The following ROCK1 variants were observed in gnomAD, a reference collection of about 807,000 sequenced individuals.
ROCK1 encodes rho-associated protein kinase 1.
In ROCK1, 36 loss-of-function variants were observed where a neutral mutation model predicts 196.8. That is an observed-to-expected ratio of 0.18 (90% confidence interval 0.14 to 0.24). The LOEUF is 0.24. ROCK1 is among the 10% of genes least tolerant of loss of function. The pLI is 1.00. For missense variants in ROCK1, 920 were observed against 1,562.0 expected (o/e 0.59, Z 6.93); for synonymous variants, 443 against 515.9 (o/e 0.86, Z 1.91).
intron 1 of ROCK1, among the ~76,000 whole-genome samples, chr18:21,090,358 G>A (rs1331847867): frequency 6.6e-6 from 1 of 152,148 alleles, no homozygotes; most frequent in Non-Finnish European, 1.5e-5. Context: ...AGCTACTCAG[G>A]AGGCTGAGGT....
chr18:21,109,638 G>A (rs1180555103), intron 1 of ROCK1, among the ~76,000 whole-genome samples: 1 of 152,064 alleles, frequency 6.6e-6, no homozygotes, highest in Non-Finnish European at 1.5e-5. Flanking sequence ...CTTATTTCCT[G>A]GTCAGGGATG....
Position 21,079,402 on chromosome 18 carries a change from C to T in ROCK1, c.94-8789G>A, listed in dbSNP as rs556884955. ...AACATAACATCCCTCCACGTGAGAT[C>T]AAACACCTGAGTTAAATTTCAGAAA... On this transcript the variant is annotated intron_variant, in intron 1 of 32. Coordinates refer to ENST00000399799, the MANE Select transcript of ROCK1 (RefSeq NM_005406.3). Among the ~76,000 whole-genome samples the T allele has an allele frequency of 2.8e-3, 424 of 152,310 alleles. 2 individuals are homozygous for T. Among genetic ancestry groups the T allele is most frequent in the Non-Finnish European group, 4.3e-3 (295 of 68,034 alleles).
chr18:21,002,647 CA>C (rs1258433061), intron 16 of ROCK1, among the ~76,000 whole-genome samples: 1 of 152,172 alleles, frequency 6.6e-6, no homozygotes, highest in Non-Finnish European at 1.5e-5. Flanking sequence ...ATCACCACTG[CA>C]AATTCCTAAA....
chr18:20,959,094 ATATATATAT>A (rs373779477), intron 29 of ROCK1, among the ~76,000 whole-genome samples: 16,326 of 44,914 alleles, frequency 0.36, 3,272 homozygotes, highest in Middle Eastern at 0.46. Context: ...ATTTTATATA[ATATATATAT>A]TATATATATA....
At chr18:21,051,596 G>A (rs959420151) in intron 2 of ROCK1, among the ~76,000 whole-genome samples, 3 of 152,194 alleles carry the variant, frequency 2.0e-5, no homozygotes, top group African/African-American at 2.4e-5. Context: ...CCCCAGGTAA[G>A]TTCAGGAGCT....
chr18:21,058,702 C>G (rs1371338332), intron 2 of ROCK1, among the ~76,000 whole-genome samples: 1 of 152,110 alleles, frequency 6.6e-6, no homozygotes, highest in Non-Finnish European at 1.5e-5. Flanking sequence ...ACCGCAGCCT[C>G]CCAAGTAGCC....
intron 26 of ROCK1, 114 bp downstream of exon 26, chr18:20,967,638 A>G: frequency 1.3e-6 from 1 of 797,292 alleles, no homozygotes; most frequent in East Asian, 2.7e-5. Context: ...CCAAACAGGC[A>G]GAACCCTTGA....
At chr18:21,039,416 C>G (rs2143498783) in intron 9 of ROCK1, 56 bp downstream of exon 9, 3 of 1,282,008 alleles carry the variant, frequency 2.3e-6, no homozygotes, top group Non-Finnish European at 2.2e-6. Flanking sequence ...TTTCAACAAA[C>G]TACCACAACT....
At chr18:21,078,896 G>A (rs534418671) in intron 1 of ROCK1, among the ~76,000 whole-genome samples, 1 of 152,114 alleles carries the variant, frequency 6.6e-6, no homozygotes, top group Non-Finnish European at 1.5e-5. Flanking sequence ...GGTGCTATCT[G>A]GTTCTACTGC....
intron 2 of ROCK1, 96 bp downstream of exon 2, chr18:21,070,435 CA>C (rs1046711150): frequency 2.2e-5 from 14 of 641,956 alleles, no homozygotes; most frequent in Non-Finnish European, 3.6e-5. Flanking sequence ...ATGAAATCAC[CA>C]AAAAGTAAAT....
At chr18:21,045,032 T>G (rs2036143506) in intron 5 of ROCK1, 7 of 224,166 alleles carry the variant, frequency 3.1e-5, no homozygotes, top group South Asian at 3.1e-4. Flanking sequence ...GTGTTTTTTT[T>G]TTTTTTTTTT....
chr18:21,023,926 A>G (rs2035935767), intron 10 of ROCK1, among the ~76,000 whole-genome samples: 1 of 152,220 alleles, frequency 6.6e-6, no homozygotes, highest in African/African-American at 2.4e-5. Flanking sequence ...TTCCTGCAGC[A>G]AAACATAAGA....
At chr18:21,013,085 C>CGTTA (rs1419065746) in intron 13 of ROCK1, among the ~76,000 whole-genome samples, 1 of 152,194 alleles carries the variant, frequency 6.6e-6, no homozygotes, top group Non-Finnish European at 1.5e-5. Context: ...ATAACTCTAA[C>CGTTA]ATCTGTGTCA....
At chr18:20,987,591 A>G (rs1404285124) in intron 18 of ROCK1, among the ~76,000 whole-genome samples, 1 of 152,200 alleles carries the variant, frequency 6.6e-6, no homozygotes, top group Non-Finnish European at 1.5e-5. Flanking sequence ...TACCTCTTTT[A>G]ATTATTACTG....
In ROCK1 at chr18:20,954,809, T is replaced by G. The variant is rs2035226115; in HGVS notation, c.3827A>C (p.Lys1276Thr). 1 of 1,611,666 alleles carries G rather than the reference T, an allele frequency of 6.2e-7. No homozygotes were observed. Among genetic ancestry groups the G allele is most frequent in the Admixed American group, 1.7e-5 (1 of 59,546 alleles). ...VKCHRDHLDK[K>T]EDLICPCKVS... ...TTTACATGGACAAATTAAGTCCTCT[T>G]TCTTATCTAAGTGATCTCTGTGGCA... Residue 1276 changes from lysine to threonine, a missense_variant, in exon 31 of 33, where the codon AAA becomes ACA. Around this residue, in one of 6 missense-constraint regions of ROCK1, gnomAD observed 49 missense variants for 180.4 expected, o/e 0.27. Coordinates refer to ENST00000399799, the MANE Select transcript of ROCK1 (RefSeq NM_005406.3).
intron 9 of ROCK1, among the ~76,000 whole-genome samples, 168 bp from the exon 10 acceptor site, chr18:21,029,103 A>G (rs1380585861): frequency 6.6e-6 from 1 of 152,184 alleles, no homozygotes; most frequent in African/African-American, 2.4e-5. Flanking sequence ...CTAAAAATCA[A>G]CTGATAATTG....
At chr18:20,987,931 A>G (rs2035590959) in intron 18 of ROCK1, among the ~76,000 whole-genome samples, 2 of 152,170 alleles carry the variant, frequency 1.3e-5, no homozygotes, top group African/African-American at 4.8e-5. Flanking sequence ...CCTGAGCTCC[A>G]GACTTAGATA....
intron 32 of ROCK1, among the ~76,000 whole-genome samples, chr18:20,952,169 G>A (rs2035194914): frequency 6.6e-6 from 1 of 152,120 alleles, no homozygotes; most frequent in South Asian, 2.1e-4. Flanking sequence ...CATCACCTGA[G>A]GTCAGGAGTT....
intron 1 of ROCK1, among the ~76,000 whole-genome samples, chr18:21,103,617 A>T (rs1340508822): frequency 6.6e-6 from 1 of 151,374 alleles, no homozygotes; most frequent in Non-Finnish European, 1.5e-5. Flanking sequence ...TAATATTTTT[A>T]TTTTTTTTGT....
Sources: gnomAD v4.1 joint callset for allele counts (sites outside exome capture counted in the v4.1 genomes callset) on GRCh38, gnomAD v4.1.1 for gene constraint, gnomAD v4.1.1 regional missense constraint, MANE v1.5 for transcripts, NCBI Gene and HGNC (gene_info 2026-07-23, HGNC 2026-07-21) for gene names.